SPI1: variants seen among roughly 807,000 people sequenced by gnomAD.
SPI1 encodes transcription factor PU.1.
SPI1 carries 3 observed loss-of-function variants against 30.7 expected under a neutral mutation model. The ratio of observed to expected loss-of-function variants is 0.10; its 90% CI spans 0.04 to 0.25. The LOEUF is 0.25. Ranked by LOEUF, SPI1 falls within the 10% of genes least tolerant of loss-of-function variation. SPI1 has a pLI of 1.00. For missense variants in SPI1, 261 were observed against 371.5 expected, an observed-to-expected ratio of 0.70 and a Z score of 2.45; for synonymous variants, 169 against 157.1, an observed-to-expected ratio of 1.08 and a Z score of -0.56.
At chr11:47,371,470 C>T (rs530346426) in intron 2 of SPI1, among the ~76,000 whole-genome samples, 2 of 43,810 alleles carry the variant, frequency 4.6e-5, no homozygotes, top group Admixed American at 2.4e-4. Context: ...AGTTTGAGAC[C>T]AGCCTGGCCA....
intron 2 of SPI1, among the ~76,000 whole-genome samples, chr11:47,364,379 G>A (rs567132964): frequency 1.3e-5 from 2 of 152,200 alleles, no homozygotes; most frequent in African/African-American, 4.8e-5. Context: ...ACAGGATCCC[G>A]AAACTCTCCT....
chr11:47,354,971 G>C lies in SPI1; in HGVS notation c.*256C>G, dbSNP rs1184013701. ...TGAGACTCCCAAGGCAGTACCCCGG[G>C]TCGTCCTCTGCAAGGTTGCCCCGGT... On this transcript the variant is annotated 3_prime_UTR_variant, in exon 5 of 5. Coordinates refer to ENST00000378538, the MANE Select transcript of SPI1 (RefSeq NM_003120.3). The C allele has an allele frequency of 3.1e-6, 1 of 327,504 alleles. No individual in the cohort carries two copies. The highest frequency in any genetic ancestry group is 5.5e-6 in the Non-Finnish European group (1 of 180,942). 20.3% of individuals were successfully genotyped at this position (327,504 alleles called of 1,614,324 possible).
At chr11:47,361,341 C>T (rs1048652151) in intron 2 of SPI1, among the ~76,000 whole-genome samples, 4 of 152,138 alleles carry the variant, frequency 2.6e-5, no homozygotes, top group African/African-American at 9.7e-5. Flanking sequence ...TGACCTTAAG[C>T]AGTGGCACCT....
Position 47,374,229 on chromosome 11 carries a change from G to A in SPI1, c.142+1404C>T, listed in dbSNP as rs1032117215. The stretch of plus-strand genomic sequence containing the variant: ...AGCTGGGGATGGAGTTGGGGGAGGG[G>A]GACTTTCTCTCTACATTGCCTGGGT... On this transcript the variant is annotated intron_variant, in intron 2 of 4. Coordinates refer to ENST00000378538, the MANE Select transcript of SPI1 (RefSeq NM_003120.3). The surrounding 1 kb of genome is among the most constrained non-coding windows in gnomAD (Gnocchi z 4.5). 1.3e-5 allele frequency among the ~76,000 whole-genome samples: 2 copies of A among 152,136 alleles called. No homozygotes were observed. The highest frequency in any genetic ancestry group is 2.4e-5 in the African/African-American group (1 of 41,412).
intron 2 of SPI1, among the ~76,000 whole-genome samples, chr11:47,365,640 G>T (rs1437615840): frequency 3.3e-5 from 5 of 152,116 alleles, no homozygotes; most frequent in Non-Finnish European, 4.4e-5. Flanking sequence ...TAGCACCTCT[G>T]AGAAACAAGA....
intron 4 of SPI1, chr11:47,358,208 TATATC>T (rs1057426686): frequency 4.6e-5 from 13 of 280,988 alleles, no homozygotes; most frequent in African/African-American, 2.0e-4. Flanking sequence ...CACACACACT[TATATC>T]ACACACATCC....
intron 2 of SPI1, among the ~76,000 whole-genome samples, chr11:47,371,346 C>T (rs377224516): frequency 3.6e-4 from 6 of 16,780 alleles, no homozygotes; most frequent in African/African-American, 1.4e-3. Flanking sequence ...GGCGACAGAG[C>T]GAGAGTCCAT....
intron 4 of SPI1, among the ~76,000 whole-genome samples, chr11:47,357,039 A>C (rs1157189064): frequency 6.6e-6 from 1 of 150,660 alleles, no homozygotes; most frequent in Non-Finnish European, 1.5e-5. Flanking sequence ...TCTCACACAC[A>C]CTTATGCTTA....
intron 4 of SPI1, among the ~76,000 whole-genome samples, chr11:47,355,956 C>G (rs544775638): frequency 1.1e-5 from 1 of 94,046 alleles, no homozygotes; most frequent in Non-Finnish European, 2.1e-5. Context: ...AAACACAATG[C>G]AACCACTCAC....
intron 2 of SPI1, among the ~76,000 whole-genome samples, chr11:47,365,560 A>G (rs558850391): frequency 1.7e-4 from 26 of 152,290 alleles, no homozygotes; most frequent in Middle Eastern, 3.4e-3. Context: ...TTTGCAGCAG[A>G]TATTGATAGA....
At chr11:47,355,594 A>G (rs2095906897) in intron 4 of SPI1, 48 bp from the exon 5 acceptor site, 1 of 1,480,018 alleles carries the variant, frequency 6.8e-7, no homozygotes, top group African/African-American at 1.4e-5. Context: ...CCCACATGGG[A>G]GCCGCCCCCA....
chr11:47,373,460 C>T (rs186990218), intron 2 of SPI1, among the ~76,000 whole-genome samples: 2 of 151,834 alleles, frequency 1.3e-5, no homozygotes, highest in South Asian at 2.1e-4. Flanking sequence ...GCAGCCTGGC[C>T]AACATGGTAA....
chr11:47,366,694 A>T (rs2095928610), intron 2 of SPI1, among the ~76,000 whole-genome samples: 1 of 152,144 alleles, frequency 6.6e-6, no homozygotes, highest in African/African-American at 2.4e-5. Context: ...GGTGGCAGGC[A>T]TCTGTAATCC....
chr11:47,364,960 C>T (rs905302797), intron 2 of SPI1, among the ~76,000 whole-genome samples: 7 of 152,176 alleles, frequency 4.6e-5, no homozygotes, highest in African/African-American at 1.2e-4. Context: ...CTGAGACTCC[C>T]GAGCTACAAT....
chr11:47,378,003 C>G (rs2095944527), intron 1 of SPI1, among the ~76,000 whole-genome samples: 1 of 152,222 alleles, frequency 6.6e-6, no homozygotes, highest in African/African-American at 2.4e-5. Flanking sequence ...CCTTCACCAT[C>G]CTCAGCCCAG....
chr11:47,360,903 C>T (rs535192995), intron 2 of SPI1, among the ~76,000 whole-genome samples: 1 of 150,156 alleles, frequency 6.7e-6, no homozygotes, highest in East Asian at 2.0e-4. Flanking sequence ...GGGTGGATAA[C>T]GAGGTCAGGA....
rs1295253574 is a variant in SPI1, at chr11:47,378,389, C to T, written c.-36G>A. On this transcript the variant is annotated 5_prime_UTR_variant, in exon 1 of 5. Transcript: ENST00000378538. The stretch of plus-strand genomic sequence containing the variant: ...TCCGAGTCGGTCAGATCCCCTGCCT[C>T]GGTGGGGGCCAATGCAGAGCCCCTC... 19 of 1,601,266 alleles carry T rather than the reference C, an allele frequency of 1.2e-5. No homozygotes were observed. Among genetic ancestry groups the T allele is most frequent in the East Asian group, 4.5e-5 (2 of 44,306 alleles).
chr11:47,376,500 GATCCC>G (rs2095942491), intron 1 of SPI1, among the ~76,000 whole-genome samples: 1 of 151,988 alleles, frequency 6.6e-6, no homozygotes. Context: ...GGAGGGCCTT[GATCCC>G]CTCACTCTCC....
intron 4 of SPI1, among the ~76,000 whole-genome samples, chr11:47,356,995 C>T (rs2142879014): frequency 6.7e-6 from 1 of 150,302 alleles, no homozygotes; most frequent in Admixed American, 6.6e-5. Flanking sequence ...CTCACCTATC[C>T]ATACACACAC....
Sources: gnomAD v4.1 joint callset for allele counts (sites outside exome capture counted in the v4.1 genomes callset) on GRCh38, gnomAD v4.1.1 for gene constraint, Gnocchi (gnomAD v3.1) non-coding constraint, MANE v1.5 for transcripts, NCBI Gene and HGNC (gene_info 2026-07-23, HGNC 2026-07-21) for gene names.